TSNARE1: variants seen among roughly 807,000 people sequenced by gnomAD.
TSNARE1 encodes t-SNARE domain containing 1, also known as t-SNARE domain-containing protein 1.
A neutral mutation model predicts 62.0 loss-of-function variants in TSNARE1; 49 were observed. The observed-to-expected ratio is 0.79, with a 90% CI of 0.63 to 1.00. TSNARE1 has a LOEUF of 1.00. TSNARE1 is among the 50% of genes least tolerant of loss of function. The pLI, the probability that TSNARE1 is intolerant of heterozygous loss-of-function variation, is 0.00. For synonymous variants in TSNARE1, 328 were observed against 294.4 expected (o/e 1.11, Z -1.17); for missense variants, 755 against 700.1 (o/e 1.08, Z -0.88).
chr8:142,318,462 C>G (rs969035849), intron 7 of TSNARE1, 82 bp downstream of exon 7: 11 of 1,391,326 alleles, frequency 7.9e-6, no homozygotes, highest in Non-Finnish European at 1.1e-5. Context: ...TGTATCCTGC[C>G]TCGTGTGACA....
intron 12 of TSNARE1, among the ~76,000 whole-genome samples, chr8:142,267,312 T>A (rs1047992397): frequency 6.6e-6 from 1 of 152,154 alleles, no homozygotes; most frequent in Non-Finnish European, 1.5e-5. Flanking sequence ...GGATCCAGGA[T>A]CCACAGGTGG....
chr8:142,290,346 G>C (rs78690848), intron 10 of TSNARE1, among the ~76,000 whole-genome samples: 2 of 152,202 alleles, frequency 1.3e-5, no homozygotes, highest in East Asian at 3.9e-4. Flanking sequence ...GAGCGGGGAA[G>C]ACCCAGAACT....
At chr8:142,327,559 C>T (rs984786630) in intron 6 of TSNARE1, among the ~76,000 whole-genome samples, 1 of 152,208 alleles carries the variant, frequency 6.6e-6, no homozygotes, top group Non-Finnish European at 1.5e-5. Context: ...TCACAGAGCC[C>T]TCCATCGGGC....
In TSNARE1 at chr8:142,315,055, C is replaced by T. The variant is rs188693289; in HGVS notation, c.1022G>A (p.Arg341Gln). ...RLQQERPQLD[R>Q]LKTQLSDAIQ... ...GGCATCTGAGAGCTGGGTTTTCAGC[C>T]GGTCCAGCTGAGGACGCTCCTGCTG... The change falls in exon 8 of 14, where the codon CGG becomes CAG. Residue 341 changes from arginine (R) to glutamine (Q), a missense_variant. Physicochemically the swap from Arg to Gln is conservative, Grantham distance 43. Transcript: ENST00000524325. The T allele has an allele frequency of 1.3e-5, 21 of 1,614,140 alleles. No homozygotes were observed. The highest frequency in any genetic ancestry group is 1.7e-4 in the Middle Eastern group (1 of 6,058).
chr8:142,301,212 C>T (rs1194042227), intron 9 of TSNARE1, among the ~76,000 whole-genome samples: 16 of 132,036 alleles, frequency 1.2e-4, no homozygotes, highest in African/African-American at 4.3e-4. Context: ...GTCAGGAGCC[C>T]GGCCACAGTG....
rs944865696 is a variant in TSNARE1 at position 142,382,814 on chromosome 8, G to A, written c.-40+20290C>T. On this transcript the variant is annotated intron_variant, in intron 1 of 13. Transcript: ENST00000524325. ...CTTCAGTGAGCTCCCAGGTCTGTGC[G>A]GAAGGCACTTTTCTGTCCTTCCACA... Among the ~76,000 whole-genome samples, 11 of 152,374 alleles carry A rather than the reference G, an allele frequency of 7.2e-5. No individual in the cohort carries two copies. The South Asian group carries it at 8.3e-4, about 11-fold the overall frequency.
chr8:142,370,980 G>T (rs1289554198), intron 1 of TSNARE1, among the ~76,000 whole-genome samples: 2 of 152,124 alleles, frequency 1.3e-5, no homozygotes, highest in Non-Finnish European at 2.9e-5. Context: ...TCAGACTAAA[G>T]CAAAAGGGAC....
At chr8:142,285,199 G>C (rs1586548522) in intron 10 of TSNARE1, among the ~76,000 whole-genome samples, 1 of 150,948 alleles carries the variant, frequency 6.6e-6, no homozygotes, top group East Asian at 2.0e-4. Context: ...TGGGTGGATG[G>C]GCGAGTGGAT....
rs1208306963 is a variant in TSNARE1, at chr8:142,274,830, G to A, written c.1397C>T (p.Ser466Leu). Residue 466 changes from serine (S) to leucine (L), a missense_variant, in exon 12 of 14, where the codon TCG (serine) becomes TTG (leucine). Ser to Leu is a moderately radical substitution (Grantham distance 145). Coordinates refer to ENST00000524325, the MANE Select transcript of TSNARE1 (RefSeq NM_145003.5). ...SIEASLEAASSHAEAARQLLA... is the reference protein window; with the variant it reads ...SIEASLEAASLHAEAARQLLA... Reference sequence around the variant, plus strand: ...GAGCTGGCGGGCTGCCTCCGCATGCGAGGACGCAGCCTCAAGGCTGGCTTC... The same window carrying A: ...GAGCTGGCGGGCTGCCTCCGCATGCAAGGACGCAGCCTCAAGGCTGGCTTC... 11 of 1,579,944 alleles carry A rather than the reference G, an allele frequency of 7.0e-6. No homozygotes were observed. The East Asian group carries it at 1.2e-4, about 17-fold the overall frequency.
intron 6 of TSNARE1, among the ~76,000 whole-genome samples, chr8:142,328,317 C>T (rs781505990): frequency 2.6e-5 from 4 of 152,178 alleles, no homozygotes; most frequent in Non-Finnish European, 5.9e-5. Flanking sequence ...CATGCTCAAG[C>T]ATGTCCCAGC....
intron 4 of TSNARE1, among the ~76,000 whole-genome samples, chr8:142,342,958 C>G (rs1586916016): frequency 1.3e-5 from 2 of 148,766 alleles, no homozygotes; most frequent in African/African-American, 5.0e-5. Flanking sequence ...CTTGTCCAGA[C>G]CCACCACAGC....
At chr8:142,342,704 G>A (rs1296784407) in intron 4 of TSNARE1, among the ~76,000 whole-genome samples, 1 of 150,982 alleles carries the variant, frequency 6.6e-6, no homozygotes, top group African/African-American at 2.4e-5. Flanking sequence ...GGCCACCACA[G>A]CAAGAGCTCA....
At chr8:142,258,188 GCA>G (rs1563784471) in intron 12 of TSNARE1, among the ~76,000 whole-genome samples, 1 of 152,182 alleles carries the variant, frequency 6.6e-6, no homozygotes, top group Non-Finnish European at 1.5e-5. Flanking sequence ...ATGCCTGTGT[GCA>G]CACACAGTAC....
intron 6 of TSNARE1, among the ~76,000 whole-genome samples, chr8:142,320,335 CCCA>C (rs1829292818): frequency 6.6e-6 from 1 of 152,150 alleles, no homozygotes. Context: ...ACTTCACCTC[CCCA>C]CACCACCCTC....
chr8:142,395,644 G>A (rs888008145), intron 1 of TSNARE1, among the ~76,000 whole-genome samples: 3 of 152,222 alleles, frequency 2.0e-5, no homozygotes, highest in East Asian at 1.9e-4. Flanking sequence ...GGCTGTGACC[G>A]GCGAAAACGC....
chr8:142,284,343 G>A, intron 11 of TSNARE1, 70 bp downstream of exon 11: 2 of 1,287,834 alleles, frequency 1.6e-6, no homozygotes, highest in East Asian at 2.3e-5. Flanking sequence ...TAGGTGAAGG[G>A]GTGAGGGCTG....
chr8:142,218,403 C>T (rs1816045836), intron 13 of TSNARE1, among the ~76,000 whole-genome samples: 1 of 152,190 alleles, frequency 6.6e-6, no homozygotes, highest in South Asian at 2.1e-4. Flanking sequence ...CTCCCTGGAG[C>T]TTCACTGTGT....
chr8:142,304,451 C>T (rs75457768), intron 9 of TSNARE1, among the ~76,000 whole-genome samples: 1,982 of 152,354 alleles, frequency 0.013, 42 homozygotes, highest in African/African-American at 0.045. Context: ...CTCACAGCCC[C>T]GTGGTCTATG....
At chr8:142,404,198 C>G (rs534324682), upstream of TSNARE1, 105 of 152,546 alleles carry the variant, frequency 6.9e-4, no homozygotes, top group African/African-American at 2.3e-3. Context: ...AGGAGGCGTG[C>G]CCTCCCCTTC....
Sources: allele counts gnomAD v4.1 joint callset (sites outside exome capture counted in the v4.1 genomes callset), GRCh38; gene constraint gnomAD v4.1.1; transcripts MANE v1.5; gene names NCBI Gene and HGNC (gene_info 2026-07-23, HGNC 2026-07-21).